The following OTOGL variants were observed in gnomAD, a reference collection of about 807,000 sequenced individuals.
OTOGL encodes otogelin-like protein.
OTOGL carries 285 observed loss-of-function variants against 318.5 expected under a neutral mutation model. The observed-to-expected ratio is 0.89, with a 90% confidence interval of 0.81 to 0.99. The LOEUF (loss-of-function observed/expected upper bound fraction) is 0.99, where lower values mean the gene tolerates loss of function less well. Among genes scored for constraint, OTOGL ranks in the 50% least tolerant of loss-of-function variants. The pLI is 0.00. For synonymous variants in OTOGL, 987 were observed against 936.5 expected (o/e 1.05, Z -0.99); for missense variants, 2,899 against 2,845.6 (o/e 1.02, Z -0.43).
intron 56 of OTOGL, among the ~76,000 whole-genome samples, chr12:80,371,342 A>AT (rs896740322): frequency 3.9e-5 from 6 of 151,930 alleles, no homozygotes; most frequent in East Asian, 1.9e-4. Context: ...AGTCTCATTG[A>AT]TTTTTTTTCA....
intron 1 of OTOGL, among the ~76,000 whole-genome samples, chr12:80,193,519 GTAATAA>G (rs146790597): frequency 2.0e-5 from 3 of 151,092 alleles, no homozygotes; most frequent in Non-Finnish European, 3.0e-5. Flanking sequence ...TCATCTAAAA[GTAATAA>G]TAATAATAAT....
chr12:80,124,228 A>G (rs932459327), intron 1 of OTOGL, among the ~76,000 whole-genome samples: 2 of 152,202 alleles, frequency 1.3e-5, no homozygotes, highest in African/African-American at 4.8e-5. Context: ...GGTGTAAGGA[A>G]GGGATCCAGT....
chr12:80,109,129 A>G (rs1869678444), intron 1 of OTOGL, among the ~76,000 whole-genome samples: 1 of 151,708 alleles, frequency 6.6e-6, no homozygotes, highest in East Asian at 1.9e-4. Flanking sequence ...CTTATGCCCC[A>G]ACTTTAGAAT....
chr12:80,297,879 G>A (rs1885515554), intron 27 of OTOGL, among the ~76,000 whole-genome samples: 1 of 152,084 alleles, frequency 6.6e-6, no homozygotes, highest in Admixed American at 6.6e-5. Flanking sequence ...TATGCAATAT[G>A]TCTTATCATA....
chr12:80,317,660 G>A (rs1036038835), intron 32 of OTOGL, among the ~76,000 whole-genome samples: 8 of 152,020 alleles, frequency 5.3e-5, no homozygotes, highest in Non-Finnish European at 1.0e-4. Flanking sequence ...AAGTATATTT[G>A]CATCTTGGAG....
rs753031676 is a variant in OTOGL, at chr12:80,377,880, A to G, written c.6894A>G (p.Pro2298=). The G allele has an allele frequency of 1.2e-5, 20 of 1,611,430 alleles. No individual in the cohort carries two copies. Among genetic ancestry groups the G allele is most frequent in the Non-Finnish European group, 1.7e-5 (20 of 1,178,430 alleles). Residue 2298 remains proline (P), a synonymous_variant, in exon 59 of 59, where the codon CCA becomes CCG. Coordinates refer to ENST00000547103, the MANE Select transcript of OTOGL (RefSeq NM_001378609.3). ...INVASCDGKC[P]SATIYNINIE... is the part of the protein sequence containing the mutation. The stretch of plus-strand genomic sequence containing the variant: ...TTGCATCTTGTGACGGCAAATGCCC[A>G]TCAGCTACCATATATAACATCAATA...
chr12:80,174,257 A>G (rs1555273591), intron 1 of OTOGL, among the ~76,000 whole-genome samples: 1 of 152,146 alleles, frequency 6.6e-6, no homozygotes, highest in Non-Finnish European at 1.5e-5. Flanking sequence ...AGGAATAAGC[A>G]GGGTTAGTCT....
At chr12:80,259,558 G>A (rs1334969289) in intron 18 of OTOGL, among the ~76,000 whole-genome samples, 1 of 151,790 alleles carries the variant, frequency 6.6e-6, no homozygotes, top group Non-Finnish European at 1.5e-5. Flanking sequence ...ACAGGCCCCA[G>A]TGTGTGATAC....
chr12:80,136,445 T>G (rs1239177056), intron 1 of OTOGL, among the ~76,000 whole-genome samples: 1 of 152,242 alleles, frequency 6.6e-6, no homozygotes, highest in Non-Finnish European at 1.5e-5. Context: ...CCCCTGGTCC[T>G]CATAGAATTT....
At chr12:80,371,626 A>C (rs1042640234) in intron 56 of OTOGL, among the ~76,000 whole-genome samples, 1 of 152,156 alleles carries the variant, frequency 6.6e-6, no homozygotes, top group African/African-American at 2.4e-5. Context: ...CAATTTTAAC[A>C]TTCAGTTATA....
intron 4 of OTOGL, among the ~76,000 whole-genome samples, chr12:80,214,870 G>A (rs1350310807): frequency 6.6e-6 from 1 of 152,104 alleles, no homozygotes; most frequent in Non-Finnish European, 1.5e-5. Context: ...AATTATAAAT[G>A]TAAGATGCCA....
intron 1 of OTOGL, among the ~76,000 whole-genome samples, chr12:80,188,468 A>G (rs1875453598): frequency 1.3e-5 from 2 of 151,488 alleles, no homozygotes; most frequent in African/African-American, 4.8e-5. Flanking sequence ...AACCTGGGAG[A>G]CAGAGGTTGC....
At chr12:80,370,395 T>C (rs1469817358) in intron 55 of OTOGL, among the ~76,000 whole-genome samples, 175 bp from the exon 56 acceptor site, 1 of 137,446 alleles carries the variant, frequency 7.3e-6, no homozygotes, top group Middle Eastern at 4.1e-3. Flanking sequence ...ACTATACACG[T>C]GTATGTATTT....
intron 1 of OTOGL, among the ~76,000 whole-genome samples, chr12:80,137,263 C>T (rs936361118): frequency 1.3e-5 from 2 of 151,338 alleles, no homozygotes; most frequent in African/African-American, 4.9e-5. Flanking sequence ...ATCTCGGTAG[C>T]AAAGAAAAAA....
chr12:80,340,481 T>G (rs1280219281), intron 43 of OTOGL, among the ~76,000 whole-genome samples: 1 of 152,164 alleles, frequency 6.6e-6, no homozygotes, highest in Non-Finnish European at 1.5e-5. Context: ...TTATCACTTT[T>G]GAAGGGTATT....
At position 80,169,096 on chromosome 12, in the gene OTOGL, T is replaced by C. The variant is rs141586660; in HGVS notation, c.-19-40317T>C. Among the ~76,000 whole-genome samples, 4 of 152,332 alleles carry C rather than the reference T, an allele frequency of 2.6e-5. No individual in the cohort carries two copies. In the East Asian group the frequency reaches 7.7e-4, roughly 29 times the overall value. On this transcript the variant is annotated intron_variant, in intron 1 of 58. Coordinates refer to ENST00000547103, the MANE Select transcript of OTOGL (RefSeq NM_001378609.3). ...TTTTTTCTTAGAATAGCTCAGTTTC[T>C]AACAGTGTACAGTGTAATATTTCAG... is the stretch of plus-strand genomic sequence containing the variant.
chr12:80,153,866 A>G (rs746738227), intron 1 of OTOGL, among the ~76,000 whole-genome samples: 9 of 152,140 alleles, frequency 5.9e-5, no homozygotes, highest in Non-Finnish European at 1.2e-4. Flanking sequence ...AATTTCCTCC[A>G]TATCTTTTCA....
At chr12:80,168,213 C>T (rs769450202) in intron 1 of OTOGL, among the ~76,000 whole-genome samples, 14 of 152,110 alleles carry the variant, frequency 9.2e-5, no homozygotes, top group South Asian at 2.1e-4. Flanking sequence ...CTGCCTCAGC[C>T]TCCCAAAGTG....
intron 29 of OTOGL, among the ~76,000 whole-genome samples, chr12:80,306,660 A>C (rs1214981503): frequency 6.6e-6 from 1 of 152,140 alleles, no homozygotes; most frequent in African/African-American, 2.4e-5. Context: ...CTATATTGAG[A>C]GAGACAAAAT....
Sources: allele counts gnomAD v4.1 joint callset (sites outside exome capture counted in the v4.1 genomes callset), GRCh38; gene constraint gnomAD v4.1.1; transcripts MANE v1.5; gene names NCBI Gene and HGNC (gene_info 2026-07-23, HGNC 2026-07-21).